The following CLSTN2 variants were observed in gnomAD, a reference collection of about 807,000 sequenced individuals.
CLSTN2 encodes calsyntenin 2.
A neutral mutation model predicts 101.2 loss-of-function variants in CLSTN2; 48 were observed. That is an observed-to-expected ratio of 0.47 (90% CI 0.38 to 0.60). The LOEUF (loss-of-function observed/expected upper bound fraction) is 0.60. Among genes scored for constraint, CLSTN2 ranks in the 20% least tolerant of loss-of-function variants. The pLI, the probability that CLSTN2 is intolerant of heterozygous loss-of-function variation, is 0.00. For synonymous variants in CLSTN2, 481 were observed against 463.6 expected, an observed-to-expected ratio of 1.04 and a Z score of -0.48; for missense variants, 1,160 against 1,238.2, an observed-to-expected ratio of 0.94 and a Z score of 0.95.
At chr3:140,294,386 A>C (rs911451257) in intron 2 of CLSTN2, among the ~76,000 whole-genome samples, 1 of 152,184 alleles carries the variant, frequency 6.6e-6, no homozygotes, top group Non-Finnish European at 1.5e-5. Context: ...GCCTACACTG[A>C]CTTTTGCTCC....
At chr3:140,300,388 T>A (rs571514694) in intron 2 of CLSTN2, among the ~76,000 whole-genome samples, 1 of 152,324 alleles carries the variant, frequency 6.6e-6, no homozygotes, top group Admixed American at 6.5e-5. Flanking sequence ...CCTTTCTTCC[T>A]TCAGCATGTA....
chr3:140,427,833 A>G (rs1401759930), intron 5 of CLSTN2, among the ~76,000 whole-genome samples: 3 of 151,872 alleles, frequency 2.0e-5, no homozygotes, highest in African/African-American at 7.3e-5. Context: ...GATTTGTGAG[A>G]TTTTGGTGGA....
intron 2 of CLSTN2, among the ~76,000 whole-genome samples, chr3:140,286,273 T>C (rs967171131): frequency 2.6e-5 from 4 of 152,180 alleles, no homozygotes; most frequent in African/African-American, 9.7e-5. Context: ...TGGCTGTGGT[T>C]TTCCGTCATT....
intron 2 of CLSTN2, among the ~76,000 whole-genome samples, chr3:140,255,616 G>T (rs1455203715): frequency 6.6e-6 from 1 of 152,076 alleles, no homozygotes; most frequent in African/African-American, 2.4e-5. Flanking sequence ...GTTGGAGGGT[G>T]GGAGGAGAGT....
intron 2 of CLSTN2, among the ~76,000 whole-genome samples, chr3:140,248,730 C>A (rs114805022): frequency 6.6e-6 from 1 of 152,122 alleles, no homozygotes; most frequent in African/African-American, 2.4e-5. Context: ...TAGAATTCCT[C>A]CAGTTGAGTG....
chr3:140,474,067 C>T (rs1933922346), intron 8 of CLSTN2, among the ~76,000 whole-genome samples: 1 of 152,190 alleles, frequency 6.6e-6, no homozygotes, highest in South Asian at 2.1e-4. Flanking sequence ...AGCCACCACG[C>T]CTGGCCAAAT....
intron 4 of CLSTN2, among the ~76,000 whole-genome samples, chr3:140,414,625 C>A (rs995641265): frequency 4.6e-5 from 7 of 152,070 alleles, no homozygotes; most frequent in African/African-American, 1.7e-4. Context: ...ACAATGTACA[C>A]TACTTGGATG....
At chr3:139,985,065 A>G (rs766160928) in intron 1 of CLSTN2, among the ~76,000 whole-genome samples, 25 of 152,200 alleles carry the variant, frequency 1.6e-4, no homozygotes, top group Non-Finnish European at 3.1e-4. Flanking sequence ...AAGCAAGCGC[A>G]CACCATTGCT....
At chr3:140,461,990 C>CA (rs201417743) in intron 7 of CLSTN2, among the ~76,000 whole-genome samples, 1 of 82,140 alleles carries the variant, frequency 1.2e-5, no homozygotes, top group Non-Finnish European at 2.7e-5. Flanking sequence ...TTTTTTACAT[C>CA]AAAATTTTTT....
At chr3:140,332,342 G>A (rs537076027) in intron 2 of CLSTN2, among the ~76,000 whole-genome samples, 4 of 152,304 alleles carry the variant, frequency 2.6e-5, no homozygotes, top group East Asian at 1.9e-4. Context: ...AGCTGGGGGA[G>A]GGGTGAGCAA....
intron 2 of CLSTN2, among the ~76,000 whole-genome samples, chr3:140,324,407 G>A (rs2087312914): frequency 6.6e-6 from 1 of 151,970 alleles, no homozygotes; most frequent in Admixed American, 6.6e-5. Context: ...ATGTTAAGTG[G>A]GTAATATAAA....
intron 1 of CLSTN2, among the ~76,000 whole-genome samples, chr3:139,975,227 G>C (rs1364683593): frequency 2.0e-5 from 3 of 152,178 alleles, no homozygotes; most frequent in Non-Finnish European, 4.4e-5. Context: ...CAAGAACTGG[G>C]GTGGGAGGTA....
At chr3:140,066,355 A>C (rs1208016058) in intron 1 of CLSTN2, among the ~76,000 whole-genome samples, 1 of 152,158 alleles carries the variant, frequency 6.6e-6, no homozygotes, top group African/African-American at 2.4e-5. Context: ...TCTTTCTCTA[A>C]TCTTTACCTG....
intron 6 of CLSTN2, among the ~76,000 whole-genome samples, chr3:140,450,541 G>T (rs1173579714): frequency 6.6e-6 from 1 of 152,176 alleles, no homozygotes. Context: ...AGCCATGTTT[G>T]GGAGCTTAGG....
At chr3:140,414,128 G>T (rs2088399506) in intron 4 of CLSTN2, among the ~76,000 whole-genome samples, 1 of 152,004 alleles carries the variant, frequency 6.6e-6, no homozygotes, top group South Asian at 2.1e-4. Context: ...CAGATTACAT[G>T]ATTTTACATA....
At chr3:140,330,114 A>G (rs1174326713) in intron 2 of CLSTN2, among the ~76,000 whole-genome samples, 6 of 152,240 alleles carry the variant, frequency 3.9e-5, no homozygotes, top group Non-Finnish European at 8.8e-5. Flanking sequence ...GAAGAGAGAC[A>G]TACTTAGGGG....
chr3:140,256,201 C>A (rs372368619), intron 2 of CLSTN2, among the ~76,000 whole-genome samples: 11 of 152,188 alleles, frequency 7.2e-5, no homozygotes, highest in African/African-American at 2.7e-4. Flanking sequence ...CACCCCACTA[C>A]TTTCCTAAAG....
intron 2 of CLSTN2, among the ~76,000 whole-genome samples, chr3:140,222,530 CATG>C (rs998192120): frequency 6.6e-6 from 1 of 152,032 alleles, no homozygotes; most frequent in Admixed American, 6.6e-5. Context: ...TCCCATTTTC[CATG>C]ATGTGATTAT....
intron 2 of CLSTN2, among the ~76,000 whole-genome samples, chr3:140,227,825 C>T (rs1411626444): frequency 6.6e-6 from 1 of 152,202 alleles, no homozygotes; most frequent in East Asian, 1.9e-4. Context: ...TCTGAAGTAA[C>T]AGGCTGAGCT....
Sources: allele counts gnomAD v4.1 joint callset (sites outside exome capture counted in the v4.1 genomes callset), GRCh38; gene constraint gnomAD v4.1.1; transcripts MANE v1.5; gene names NCBI Gene and HGNC (gene_info 2026-07-23, HGNC 2026-07-21).